MCU: variants seen among roughly 807,000 people sequenced by gnomAD.
MCU encodes mitochondrial calcium uniporter, also known as calcium uniporter protein, mitochondrial.
Under a neutral mutation model 45.2 loss-of-function variants are expected in MCU, and 12 were observed. The ratio of observed to expected loss-of-function variants is 0.27; its 90% confidence interval spans 0.17 to 0.43. MCU has a LOEUF of 0.43. Ranked by LOEUF, MCU falls within the 20% of genes least tolerant of loss-of-function variation. The pLI, the probability that MCU is intolerant of heterozygous loss-of-function variation, is 1.00. For missense variants in MCU, 324 were observed against 436.7 expected (o/e 0.74, Z 2.30); for synonymous variants, 160 against 165.1 (o/e 0.97, Z 0.24).
Position 72,860,632 on chromosome 10 carries a change from G to A in MCU, c.496+105G>A, listed in dbSNP as rs561389078. On this transcript the variant is annotated intron_variant, in intron 4 of 7. Transcript: ENST00000373053. The stretch of plus-strand genomic sequence containing the variant: ...CCTTGAGAAACAGACAGTATTCAAA[G>A]AACACTGAAAGTTTTATATACAGAT... 3.5e-6 allele frequency: 3 copies of A among 845,422 alleles called. No individual in the cohort carries two copies. The East Asian group carries it at 7.6e-5, about 21-fold the overall frequency. 52.4% of individuals were successfully genotyped at this position (845,422 alleles called of 1,614,324 possible).
At chr10:72,782,483 G>T (rs1844009969) in intron 1 of MCU, among the ~76,000 whole-genome samples, 1 of 152,078 alleles carries the variant, frequency 6.6e-6, no homozygotes, top group Non-Finnish European at 1.5e-5. Context: ...CGATTCTCAT[G>T]CCTCCAGCCT....
At chr10:72,847,078 T>A (rs1845134281) in intron 2 of MCU, among the ~76,000 whole-genome samples, 1 of 152,222 alleles carries the variant, frequency 6.6e-6, no homozygotes, top group South Asian at 2.1e-4. Context: ...TTCAAGCGAT[T>A]CTTCTGCCTC....
intron 1 of MCU, among the ~76,000 whole-genome samples, chr10:72,766,056 G>A (rs1843722353): frequency 6.6e-6 from 1 of 152,034 alleles, no homozygotes; most frequent in African/African-American, 2.4e-5. Flanking sequence ...TTGTAGAGAT[G>A]TGGGGGTCTC....
intron 1 of MCU, among the ~76,000 whole-genome samples, chr10:72,734,989 T>C (rs1157917941): frequency 6.6e-6 from 1 of 151,654 alleles, no homozygotes; most frequent in Non-Finnish European, 1.5e-5. Flanking sequence ...TGAGGCTGGA[T>C]TGCCTGAGCT....
intron 1 of MCU, among the ~76,000 whole-genome samples, chr10:72,805,163 C>CTTTCTTTCTTTTTCTG (rs1187966928): frequency 2.2e-5 from 3 of 134,672 alleles, no homozygotes; most frequent in Non-Finnish European, 3.0e-5. Context: ...TTCTTTCTGT[C>CTTTCTTTCTTTTTCTG]TCTCTCTCTC....
chr10:72,807,287 G>A (rs556691597), intron 1 of MCU, among the ~76,000 whole-genome samples: 3 of 152,092 alleles, frequency 2.0e-5, no homozygotes, highest in African/African-American at 7.2e-5. Flanking sequence ...ACACTTAAAT[G>A]AGAATTTTGA....
intron 6 of MCU, among the ~76,000 whole-genome samples, chr10:72,881,027 A>G (rs1274099153): frequency 6.6e-6 from 1 of 152,094 alleles, no homozygotes; most frequent in African/African-American, 2.4e-5. Flanking sequence ...CTACTCAGGA[A>G]GCCAAGGTAG....
At chr10:72,783,791 T>C (rs1227039181) in intron 1 of MCU, among the ~76,000 whole-genome samples, 1 of 152,146 alleles carries the variant, frequency 6.6e-6, no homozygotes, top group Non-Finnish European at 1.5e-5. Context: ...ATCAAATGCC[T>C]ATAGGAAGGA....
At chr10:72,849,304 A>C (rs1030531389) in intron 2 of MCU, among the ~76,000 whole-genome samples, 1 of 151,600 alleles carries the variant, frequency 6.6e-6, no homozygotes, top group Non-Finnish European at 1.5e-5. Context: ...AATCGAATGA[A>C]AGCACATGAT....
intron 1 of MCU, among the ~76,000 whole-genome samples, chr10:72,771,731 G>A (rs1479403053): frequency 6.6e-6 from 1 of 152,134 alleles, no homozygotes; most frequent in Non-Finnish European, 1.5e-5. Context: ...GCATACGTGT[G>A]CCATGGTGGT....
intron 2 of MCU, among the ~76,000 whole-genome samples, chr10:72,836,091 T>C (rs559989918): frequency 2.4e-4 from 36 of 152,084 alleles, no homozygotes; most frequent in African/African-American, 8.7e-4. Context: ...CCATTACCAC[T>C]GCAGGGTGCC....
At chr10:72,846,226 A>G (rs1190625470) in intron 2 of MCU, among the ~76,000 whole-genome samples, 1 of 152,168 alleles carries the variant, frequency 6.6e-6, no homozygotes, top group East Asian at 1.9e-4. Context: ...TATTTTCAGC[A>G]GAGACAGGGT....
At chr10:72,840,498 G>C (rs1845031664) in intron 2 of MCU, among the ~76,000 whole-genome samples, 1 of 152,156 alleles carries the variant, frequency 6.6e-6, no homozygotes, top group African/African-American at 2.4e-5. Context: ...TTTTTGTCAA[G>C]TCATGTTAGT....
At chr10:72,740,416 C>T (rs1843311387) in intron 1 of MCU, among the ~76,000 whole-genome samples, 1 of 151,592 alleles carries the variant, frequency 6.6e-6, no homozygotes, top group Non-Finnish European at 1.5e-5. Flanking sequence ...ATGATTTTCT[C>T]ACTTCTGGTG....
chr10:72,744,055 T>C (rs1309959153), intron 1 of MCU, among the ~76,000 whole-genome samples: 2 of 151,086 alleles, frequency 1.3e-5, no homozygotes, highest in African/African-American at 4.9e-5. Context: ...GTAAAACATA[T>C]ATATGTTATT....
At chr10:72,851,830 G>T (rs1348987785) in intron 2 of MCU, among the ~76,000 whole-genome samples, 1 of 152,074 alleles carries the variant, frequency 6.6e-6, no homozygotes, top group Non-Finnish European at 1.5e-5. Flanking sequence ...TTTATTTTGG[G>T]GGAAGGCATA....
chr10:72,825,461 A>T (rs1259828049), intron 1 of MCU, among the ~76,000 whole-genome samples: 3 of 152,232 alleles, frequency 2.0e-5, no homozygotes, highest in African/African-American at 7.2e-5. Flanking sequence ...GAACAATAAC[A>T]TCCTCTTGCT....
intron 1 of MCU, among the ~76,000 whole-genome samples, chr10:72,730,163 G>T (rs1843152675): frequency 6.6e-6 from 1 of 151,722 alleles, no homozygotes; most frequent in South Asian, 2.1e-4. Context: ...GTTTTACCCT[G>T]TTGGCCAGGC....
intron 1 of MCU, among the ~76,000 whole-genome samples, chr10:72,762,555 T>A (rs1216170581): frequency 6.6e-6 from 1 of 152,098 alleles, no homozygotes; most frequent in Non-Finnish European, 1.5e-5. Flanking sequence ...TGAGGAAATG[T>A]GAAAGGAACT....
Sources: gnomAD v4.1 joint callset for allele counts (sites outside exome capture counted in the v4.1 genomes callset) on GRCh38, gnomAD v4.1.1 for gene constraint, MANE v1.5 for transcripts, NCBI Gene and HGNC (gene_info 2026-07-23, HGNC 2026-07-21) for gene names.